The following GRM7 variants were observed in gnomAD, a reference collection of about 807,000 sequenced individuals.
The protein encoded by GRM7 is metabotropic glutamate receptor 7.
In GRM7, 35 loss-of-function variants were observed where a neutral mutation model predicts 84.5. That is an observed-to-expected ratio of 0.41 (90% confidence interval 0.32 to 0.55). GRM7 has a LOEUF of 0.55. Among genes scored for constraint, GRM7 ranks in the 20% least tolerant of loss-of-function variants. The pLI is 0.19. For missense variants in GRM7, 1,003 were observed against 1,194.6 expected (o/e 0.84, Z 2.36); for synonymous variants, 487 against 455.1 (o/e 1.07, Z -0.89).
chr3:7,403,622 G>GATATAT (rs59465377), intron 4 of GRM7, among the ~76,000 whole-genome samples: 1,666 of 126,892 alleles, frequency 0.013, 26 homozygotes, highest in East Asian at 0.02. Flanking sequence ...GAGTAATTCT[G>GATATAT]ATATATATAT....
At chr3:7,176,657 C>T (rs1179140126) in intron 2 of GRM7, among the ~76,000 whole-genome samples, 1 of 152,150 alleles carries the variant, frequency 6.6e-6, no homozygotes, top group African/African-American at 2.4e-5. Flanking sequence ...GGCACCCATA[C>T]TGGAAACTTT....
chr3:7,357,548 A>G (rs1376571875), intron 4 of GRM7, among the ~76,000 whole-genome samples: 1 of 152,136 alleles, frequency 6.6e-6, no homozygotes, highest in Non-Finnish European at 1.5e-5. Flanking sequence ...AGTAAAAGAT[A>G]CCCTGTAAAA....
chr3:7,122,836 A>G (rs898424978), intron 1 of GRM7, among the ~76,000 whole-genome samples: 6 of 152,236 alleles, frequency 3.9e-5, no homozygotes, highest in Non-Finnish European at 8.8e-5. Flanking sequence ...TTTATGTCTA[A>G]GAAAAAGCAA....
intron 2 of GRM7, among the ~76,000 whole-genome samples, chr3:7,286,962 A>G (rs1354141647): frequency 6.6e-6 from 1 of 152,166 alleles, no homozygotes; most frequent in Admixed American, 6.6e-5. Flanking sequence ...ATCATCTTAG[A>G]TAGGACTTTG....
chr3:7,128,074 T>G (rs1693460944), intron 1 of GRM7, among the ~76,000 whole-genome samples: 1 of 151,378 alleles, frequency 6.6e-6, no homozygotes, highest in African/African-American at 2.4e-5. Flanking sequence ...TAAATATATA[T>G]GTATTATAGA....
chr3:7,573,890 T>C (rs1023910821), intron 7 of GRM7, among the ~76,000 whole-genome samples: 7 of 152,226 alleles, frequency 4.6e-5, no homozygotes, highest in African/African-American at 1.7e-4. Context: ...AAGGTTTGCA[T>C]GTACCAAATG....
chr3:7,453,782 G>A (rs1697881347), intron 6 of GRM7, among the ~76,000 whole-genome samples: 2 of 152,080 alleles, frequency 1.3e-5, no homozygotes, highest in Admixed American at 6.6e-5. Flanking sequence ...TGTACACAAA[G>A]GGTATAATCT....
chr3:7,264,546 C>T (rs979870740), intron 2 of GRM7, among the ~76,000 whole-genome samples: 2 of 96 alleles, frequency 0.021, no homozygotes, highest in East Asian at 0.25. Flanking sequence ...ACATGGTAGC[C>T]CCATGCAGGA....
chr3:7,345,082 TA>T (rs1483357972), intron 4 of GRM7, among the ~76,000 whole-genome samples: 1 of 152,058 alleles, frequency 6.6e-6, no homozygotes, highest in Non-Finnish European at 1.5e-5. Context: ...AAATGTTTTT[TA>T]AAAAAAGGTA....
At chr3:7,576,659 G>C (rs1041909246) in intron 7 of GRM7, among the ~76,000 whole-genome samples, 3 of 152,064 alleles carry the variant, frequency 2.0e-5, no homozygotes, top group Admixed American at 2.0e-4. Flanking sequence ...AGACTTTCCA[G>C]TATCTTTCTA....
chr3:7,141,988 C>T lies in GRM7; in HGVS notation c.520-4464C>T, dbSNP rs904707314. 9.2e-4 allele frequency among the ~76,000 whole-genome samples: 140 copies of T among 151,440 alleles called. 1 individual carries two copies. The highest frequency in any genetic ancestry group is 3.3e-3 in the African/African-American group (136 of 41,266). ...ATATTTTTGTTACTTTGAGGTAGAG[C>T]GACTTAAACATTATTGTGAGGAAAT... On this transcript the variant is annotated intron_variant, in intron 1 of 9. Coordinates refer to ENST00000357716, the MANE Select transcript of GRM7 (RefSeq NM_000844.4).
At chr3:7,400,867 C>T (rs768304221) in intron 4 of GRM7, among the ~76,000 whole-genome samples, 1 of 152,138 alleles carries the variant, frequency 6.6e-6, no homozygotes, top group South Asian at 2.1e-4. Context: ...TCAGTGTGCA[C>T]ATTCACCAAA....
intron 7 of GRM7, among the ~76,000 whole-genome samples, chr3:7,529,549 C>T (rs1872393): frequency 0.4 from 60,164 of 151,848 alleles, 12,658 homozygotes; most frequent in Non-Finnish European, 0.46. Flanking sequence ...AGACTCTTAA[C>T]GGACACTTAT....
intron 4 of GRM7, among the ~76,000 whole-genome samples, chr3:7,370,712 TC>T (rs1353047161): frequency 6.6e-6 from 1 of 152,126 alleles, no homozygotes; most frequent in Non-Finnish European, 1.5e-5. Context: ...CTCCCCTCCT[TC>T]CCTGCCTTCA....
chr3:7,149,179 C>T (rs1694201188), intron 2 of GRM7, among the ~76,000 whole-genome samples: 3 of 152,016 alleles, frequency 2.0e-5, no homozygotes, highest in Non-Finnish European at 4.4e-5. Context: ...CCCTTCTTTT[C>T]AATTAGAAGA....
chr3:7,576,773 G>A (rs1204349362), intron 7 of GRM7, among the ~76,000 whole-genome samples: 2 of 152,174 alleles, frequency 1.3e-5, no homozygotes, highest in South Asian at 2.1e-4. Context: ...ACTTGCAGAC[G>A]TAGTACATCT....
intron 4 of GRM7, among the ~76,000 whole-genome samples, chr3:7,372,309 AG>A (rs1473859508): frequency 6.6e-6 from 1 of 152,184 alleles, no homozygotes; most frequent in Admixed American, 6.6e-5. Context: ...TAATTGTGGC[AG>A]GCAGTGCTAG....
chr3:7,465,267 A>T (rs1162124930), intron 7 of GRM7, among the ~76,000 whole-genome samples: 2 of 152,158 alleles, frequency 1.3e-5, no homozygotes, highest in African/African-American at 4.8e-5. Context: ...GGGACCTAAA[A>T]GAGCGAATGA....
intron 5 of GRM7, among the ~76,000 whole-genome samples, chr3:7,434,735 A>G (rs1236020311): frequency 2.0e-5 from 3 of 152,040 alleles, no homozygotes. Context: ...AATCATGAGT[A>G]TTGGTTTATA....
Sources: allele counts gnomAD v4.1 joint callset (sites outside exome capture counted in the v4.1 genomes callset), GRCh38; gene constraint gnomAD v4.1.1; transcripts MANE v1.5; gene names NCBI Gene and HGNC (gene_info 2026-07-23, HGNC 2026-07-21).